The following DPP10 variants were observed in gnomAD, a reference collection of about 807,000 sequenced individuals.
DPP10 encodes the protein inactive dipeptidyl peptidase 10.
Under a neutral mutation model 120.9 loss-of-function variants are expected in DPP10, and 33 were observed. The ratio of observed to expected loss-of-function variants is 0.27; its 90% CI spans 0.21 to 0.37. The LOEUF (loss-of-function observed/expected upper bound fraction) is 0.37. Among genes scored for constraint, DPP10 ranks in the 10% least tolerant of loss-of-function variants. The pLI, the probability that DPP10 is intolerant of heterozygous loss-of-function variation, is 1.00. For missense variants in DPP10, 816 were observed against 942.8 expected (o/e 0.87, Z 1.76); for synonymous variants, 337 against 326.1 (o/e 1.03, Z -0.36).
intron 3 of DPP10, among the ~76,000 whole-genome samples, chr2:115,349,953 G>T (rs181456081): frequency 6.6e-6 from 1 of 152,016 alleles, no homozygotes; most frequent in Admixed American, 6.6e-5. Context: ...GTATCTTCGT[G>T]ACCAAAGTGT....
rs1201467556 is a variant in DPP10, at chr2:115,739,752, T to A, written c.711T>A (p.His237Gln). Residue 237 changes from histidine (H) to glutamine (Q), a missense_variant, in exon 9 of 26, where the codon CAT (histidine) becomes CAA (glutamine). This residue lies in a region of DPP10 where 42 missense variants were observed against 86.4 expected (regional missense o/e 0.49). Transcript: ENST00000410059. ...CATTTATTCTAGAGGAACTCCTGCA[T>A]TCTCACATCGCCCACTGGTGGTCAC... ...ADWLYEEELL[H>Q]SHIAHWWSPD... 1 of 1,613,320 alleles carries A rather than the reference T, an allele frequency of 6.2e-7. No homozygotes were observed. Among genetic ancestry groups the A allele is most frequent in the Non-Finnish European group, 8.5e-7 (1 of 1,179,392 alleles).
chr2:115,763,633 C>T (rs1680364546), intron 12 of DPP10, among the ~76,000 whole-genome samples: 2 of 152,210 alleles, frequency 1.3e-5, no homozygotes, highest in Admixed American at 1.3e-4. Context: ...TGTCCATGTT[C>T]GAACTACAGA....
chr2:115,844,072 T>G lies in DPP10; in HGVS notation c.*1727T>G, dbSNP rs1293437365. The G allele has an allele frequency of 6.6e-6, 1 of 152,610 alleles. No homozygotes were observed. Among genetic ancestry groups the G allele is most frequent in the Non-Finnish European group, 1.5e-5 (1 of 68,006 alleles). The allele number at this position is 152,610 out of a possible 1,614,324, so 9.5% of individuals were successfully genotyped here. ...ATGCTCCACTGGGTTCAATTTAAAA[T>G]AGGAGAGGCTTTCTCTTCTGAAAGA... On this transcript the variant is annotated 3_prime_UTR_variant, in exon 26 of 26. Coordinates refer to ENST00000410059, the MANE Select transcript of DPP10 (RefSeq NM_020868.6).
At chr2:115,520,960 A>G (rs552527216) in intron 4 of DPP10, among the ~76,000 whole-genome samples, 5 of 152,326 alleles carry the variant, frequency 3.3e-5, no homozygotes, top group Non-Finnish European at 4.4e-5. Flanking sequence ...TAGAAGTGCA[A>G]TCACGAAACA....
chr2:115,112,522 CAT>C lies in DPP10; in HGVS notation c.61-196714_61-196713del, dbSNP rs765642596. ...TGAATGGCTAACTCCTGCTAATTAACATATGTGTTACCTCTCACACTTACCAT... is the reference window on the plus strand; with the variant it reads ...TGAATGGCTAACTCCTGCTAATTAACATGTGTTACCTCTCACACTTACCAT... On this transcript the variant is annotated intron_variant, in intron 1 of 25. Transcript: ENST00000410059. Among the ~76,000 whole-genome samples the C allele has an allele frequency of 9.7e-4, 148 of 152,254 alleles. 1 individual carries two copies. In the Middle Eastern group the frequency reaches 0.021, roughly 21 times the overall value.
intron 1 of DPP10, among the ~76,000 whole-genome samples, chr2:114,583,686 A>G (rs1690721458): frequency 6.6e-6 from 1 of 152,190 alleles, no homozygotes; most frequent in Non-Finnish European, 1.5e-5. Context: ...AGGTGAATTT[A>G]TTTGGCTATA....
In DPP10 at chr2:115,197,963, T is replaced by C. The variant is rs1284880604; in HGVS notation, c.61-111276T>C. Among the ~76,000 whole-genome samples, 5 of 152,292 alleles carry C rather than the reference T, an allele frequency of 3.3e-5. No homozygotes were observed. In the East Asian group the frequency reaches 9.7e-4, roughly 29 times the overall value. ...TATCTCTGGACGTGATAAATGCTAT[T>C]ATATCACTGTGATTTGTAATAGCAG... On this transcript the variant is annotated intron_variant, in intron 1 of 25. Coordinates refer to ENST00000410059, the MANE Select transcript of DPP10 (RefSeq NM_020868.6).
intron 1 of DPP10, among the ~76,000 whole-genome samples, chr2:115,096,841 A>T (rs1226544491): frequency 6.6e-6 from 1 of 152,158 alleles, no homozygotes; most frequent in African/African-American, 2.4e-5. Context: ...TTGTCGTAAC[A>T]GTTCGTCTCA....
At chr2:114,999,487 G>C (rs1273758526) in intron 1 of DPP10, among the ~76,000 whole-genome samples, 1 of 152,130 alleles carries the variant, frequency 6.6e-6, no homozygotes, top group Non-Finnish European at 1.5e-5. Context: ...ATAAAATCAA[G>C]TTCTTACAAC....
chr2:114,726,134 G>A (rs1222143373), intron 1 of DPP10, among the ~76,000 whole-genome samples: 1 of 152,028 alleles, frequency 6.6e-6, no homozygotes, highest in African/African-American at 2.4e-5. Context: ...TACTCTGGAG[G>A]CTGAGGCAGG....
At chr2:115,841,537 C>T (rs1286339828) in intron 25 of DPP10, among the ~76,000 whole-genome samples, 3 of 152,006 alleles carry the variant, frequency 2.0e-5, no homozygotes, top group African/African-American at 7.3e-5. Context: ...CAAACTACCA[C>T]GTTTAGGATA....
At chr2:114,561,589 G>C (rs1010309833) in intron 1 of DPP10, among the ~76,000 whole-genome samples, 7 of 150,488 alleles carry the variant, frequency 4.7e-5, no homozygotes. Flanking sequence ...AGAGCTTTGC[G>C]GTTTACTTTT....
intron 1 of DPP10, among the ~76,000 whole-genome samples, chr2:115,269,307 G>A (rs943352394): frequency 1.3e-5 from 2 of 152,274 alleles, no homozygotes; most frequent in Non-Finnish European, 2.9e-5. Flanking sequence ...AGGACACCAG[G>A]AGTAAGAATA....
chr2:115,490,403 G>T (rs547819462), intron 3 of DPP10, among the ~76,000 whole-genome samples: 1 of 142,902 alleles, frequency 7.0e-6, no homozygotes, highest in African/African-American at 2.5e-5. Context: ...CCATGATTCA[G>T]TTACCTCCTA....
At chr2:114,672,102 A>G (rs1190888956) in intron 1 of DPP10, among the ~76,000 whole-genome samples, 1 of 152,122 alleles carries the variant, frequency 6.6e-6, no homozygotes, top group Non-Finnish European at 1.5e-5. Flanking sequence ...TTCTTAATTT[A>G]TATAATTGAT....
In DPP10 at chr2:115,688,396, G is replaced by A. The variant is rs549712667; in HGVS notation, c.442-1291G>A. 2.6e-5 allele frequency among the ~76,000 whole-genome samples: 4 copies of A among 152,250 alleles called. No individual in the cohort carries two copies. The South Asian group carries it at 8.3e-4, about 32-fold the overall frequency. On this transcript the variant is annotated intron_variant, in intron 5 of 25. Coordinates refer to ENST00000410059, the MANE Select transcript of DPP10 (RefSeq NM_020868.6). ...ATTGAAGCTATTATTCCAGTGAGAA[G>A]AAATAACAATTTGACTTCTAGGGAG... is the stretch of plus-strand genomic sequence containing the variant.
At chr2:115,804,753 G>C (rs1418068052) in intron 19 of DPP10, among the ~76,000 whole-genome samples, 4 of 152,172 alleles carry the variant, frequency 2.6e-5, no homozygotes, top group Non-Finnish European at 5.9e-5. Context: ...GTGGATACTG[G>C]TGAACCGCAA....
chr2:115,662,142 T>C (rs1306811884), intron 5 of DPP10, among the ~76,000 whole-genome samples: 3 of 152,230 alleles, frequency 2.0e-5, no homozygotes, highest in Admixed American at 6.5e-5. Flanking sequence ...TTTGGTTTAT[T>C]TTACTAAGCT....
intron 1 of DPP10, among the ~76,000 whole-genome samples, chr2:115,237,998 T>A (rs1305507614): frequency 1.3e-5 from 2 of 152,182 alleles, no homozygotes; most frequent in East Asian, 3.9e-4. Flanking sequence ...AGATCATTGC[T>A]GAAGTTGGCC....
Sources: gnomAD v4.1 joint callset for allele counts (sites outside exome capture counted in the v4.1 genomes callset) on GRCh38, gnomAD v4.1.1 for gene constraint, gnomAD v4.1.1 regional missense constraint, MANE v1.5 for transcripts, NCBI Gene and HGNC (gene_info 2026-07-23, HGNC 2026-07-21) for gene names.